The following XKR4 variants were observed in gnomAD, a reference collection of about 807,000 sequenced individuals.
XKR4 encodes XK related 4, also known as XK-related protein 4.
Under a neutral mutation model 53.9 loss-of-function variants are expected in XKR4, and 12 were observed. The ratio of observed to expected loss-of-function variants is 0.22; its 90% CI spans 0.14 to 0.36. XKR4 has a LOEUF of 0.36. Among genes scored for constraint, XKR4 ranks in the 10% least tolerant of loss-of-function variants. The pLI is 1.00. For synonymous variants in XKR4, 354 were observed against 362.4 expected, an observed-to-expected ratio of 0.98 and a Z score of 0.26; for missense variants, 799 against 859.5, an observed-to-expected ratio of 0.93 and a Z score of 0.88.
chr8:55,154,941 G>A (rs952539805), intron 1 of XKR4, among the ~76,000 whole-genome samples: 1 of 152,124 alleles, frequency 6.6e-6, no homozygotes, highest in Non-Finnish European at 1.5e-5. Flanking sequence ...GCTGGTGTAC[G>A]ACGTGAGGAC....
intron 1 of XKR4, among the ~76,000 whole-genome samples, chr8:55,289,705 GAA>G (rs1298857802): frequency 2.7e-5 from 3 of 110,500 alleles, no homozygotes; most frequent in East Asian, 2.6e-4. Flanking sequence ...GAGAAAGAAA[GAA>G]AGAAAGAGAG....
chr8:55,393,640 G>T (rs1804476378), intron 2 of XKR4, among the ~76,000 whole-genome samples: 1 of 152,176 alleles, frequency 6.6e-6, no homozygotes, highest in Non-Finnish European at 1.5e-5. Context: ...AATTTGGCCT[G>T]CTCAACCATC....
intron 2 of XKR4, among the ~76,000 whole-genome samples, chr8:55,486,056 C>T (rs1018824801): frequency 6.6e-6 from 1 of 151,978 alleles, no homozygotes; most frequent in Non-Finnish European, 1.5e-5. Context: ...TATAAATAAT[C>T]ACATATAAAT....
chr8:55,518,665 A>C (rs1462640970), intron 2 of XKR4, among the ~76,000 whole-genome samples: 1 of 152,176 alleles, frequency 6.6e-6, no homozygotes, highest in Non-Finnish European at 1.5e-5. Context: ...TTCAGGTCTC[A>C]CAGTCAGACA....
At chr8:55,432,341 C>T (rs1183012055) in intron 2 of XKR4, among the ~76,000 whole-genome samples, 1 of 152,170 alleles carries the variant, frequency 6.6e-6, no homozygotes, top group South Asian at 2.1e-4. Context: ...CACTTACCTC[C>T]GAGGGGTTTT....
intron 1 of XKR4, among the ~76,000 whole-genome samples, chr8:55,205,677 A>G (rs1222022065): frequency 6.6e-6 from 1 of 152,252 alleles, no homozygotes; most frequent in East Asian, 1.9e-4. Context: ...TAGTAAAGCC[A>G]CAGTAAAGTT....
At chr8:55,240,184 A>G (rs1214889864) in intron 1 of XKR4, among the ~76,000 whole-genome samples, 23 of 152,200 alleles carry the variant, frequency 1.5e-4, no homozygotes, top group Admixed American at 1.5e-3. Flanking sequence ...TTTTCTAACA[A>G]TGAATTCTCA....
intron 1 of XKR4, among the ~76,000 whole-genome samples, chr8:55,310,652 C>G (rs955715687): frequency 2.6e-5 from 4 of 152,200 alleles, no homozygotes; most frequent in Non-Finnish European, 5.9e-5. Context: ...AAGTCACACT[C>G]TCTCTGAGCC....
At chr8:55,310,707 G>A (rs369490574) in intron 1 of XKR4, among the ~76,000 whole-genome samples, 17 of 152,276 alleles carry the variant, frequency 1.1e-4, no homozygotes, top group Middle Eastern at 6.8e-3. Flanking sequence ...GTAAAAAGAC[G>A]CTTGAATTAA....
At chr8:55,361,132 C>T (rs1283590887) in intron 2 of XKR4, among the ~76,000 whole-genome samples, 1 of 152,262 alleles carries the variant, frequency 6.6e-6, no homozygotes, top group East Asian at 1.9e-4. Flanking sequence ...ATAAGATACA[C>T]ACCAGGAGGC....
In XKR4 at chr8:55,540,209, T is replaced by G. The variant is rs1807080923; in HGVS notation, c.*15982T>G. The G allele has an allele frequency of 6.6e-6, 1 of 152,244 alleles. No homozygotes were observed. Among genetic ancestry groups the G allele is most frequent in the Non-Finnish European group, 1.5e-5 (1 of 68,044 alleles). 9.4% of individuals were successfully genotyped at this position (152,244 alleles called of 1,614,324 possible). On this transcript the variant is annotated 3_prime_UTR_variant, in exon 3 of 3. Coordinates refer to ENST00000327381, the MANE Select transcript of XKR4 (RefSeq NM_052898.2). The stretch of plus-strand genomic sequence containing the variant: ...GACCAGTCATTCTGTAAACATCACA[T>G]ATGTGATGCTTTGTAAATGTATTAA...
intron 1 of XKR4, among the ~76,000 whole-genome samples, chr8:55,267,420 C>T (rs4422755): frequency 0.79 from 120,436 of 152,074 alleles, 49,687 homozygotes; most frequent in Non-Finnish European, 0.92. Context: ...ACTTCACAGG[C>T]GAGGAAGTGA....
At chr8:55,338,456 G>A (rs79184673) in intron 1 of XKR4, among the ~76,000 whole-genome samples, 1 of 152,180 alleles carries the variant, frequency 6.6e-6, no homozygotes, top group Non-Finnish European at 1.5e-5. Context: ...CCACTGTGGG[G>A]CATGGGAGCT....
intron 1 of XKR4, among the ~76,000 whole-genome samples, chr8:55,185,058 G>T (rs1270704396): frequency 6.6e-6 from 1 of 152,108 alleles, no homozygotes; most frequent in Non-Finnish European, 1.5e-5. Flanking sequence ...AATGCACACA[G>T]CCAAACAATA....
chr8:55,221,715 C>G (rs182166296), intron 1 of XKR4, among the ~76,000 whole-genome samples: 1 of 152,234 alleles, frequency 6.6e-6, no homozygotes. Context: ...CAAGCTCTTC[C>G]AGGGTGCTCT....
At chr8:55,385,480 G>A (rs1804295139) in intron 2 of XKR4, among the ~76,000 whole-genome samples, 1 of 152,222 alleles carries the variant, frequency 6.6e-6, no homozygotes, top group African/African-American at 2.4e-5. Flanking sequence ...GCTTCTGAAA[G>A]TCAAGCATCA....
At chr8:55,389,884 GC>G (rs1359701871) in intron 2 of XKR4, among the ~76,000 whole-genome samples, 1 of 152,104 alleles carries the variant, frequency 6.6e-6, no homozygotes, top group African/African-American at 2.4e-5. Flanking sequence ...GCCTACTGGA[GC>G]CCACACAGCT....
chr8:55,420,706 A>C (rs1267699411), intron 2 of XKR4, among the ~76,000 whole-genome samples: 2 of 151,816 alleles, frequency 1.3e-5, no homozygotes, highest in Non-Finnish European at 2.9e-5. Flanking sequence ...TAGTGGGTGC[A>C]GCGCACCAGC....
At chr8:55,386,122 C>T (rs13277218) in intron 2 of XKR4, among the ~76,000 whole-genome samples, 3,317 of 152,236 alleles carry the variant, frequency 0.022, 65 homozygotes, top group Non-Finnish European at 0.035. Flanking sequence ...TTTTGTAGGA[C>T]GAGGAGACAG....
Sources: gnomAD v4.1 joint callset for allele counts (sites outside exome capture counted in the v4.1 genomes callset) on GRCh38, gnomAD v4.1.1 for gene constraint, MANE v1.5 for transcripts, NCBI Gene and HGNC (gene_info 2026-07-23, HGNC 2026-07-21) for gene names.